KRABD3: variants seen among roughly 807,000 people sequenced by gnomAD.
The protein encoded by KRABD3 is KRAB domain containing 3.
At chr7:149,730,478 C>T in the KRABD3 span, 1 of 1,607,902 alleles carries the variant, frequency 6.2e-7, no homozygotes, top group South Asian at 1.1e-5. Flanking sequence ...GTCCCCATGT[C>T]CTGGTGGGAC....
the KRABD3 span, chr7:149,725,881 C>T: frequency 6.4e-7 from 1 of 1,570,650 alleles, no homozygotes; most frequent in South Asian, 1.2e-5. Context: ...GTGCTGTTCC[C>T]TACAGAAGCG....
chr7:149,725,904 G>A, the KRABD3 span: 2 of 1,591,550 alleles, frequency 1.3e-6, no homozygotes, highest in African/African-American at 1.3e-5. Context: ...CAGAGAGCCT[G>A]TTCTGCCTCT....
chr7:149,734,554 A>G, the KRABD3 span: 3 of 153,812 alleles, frequency 2.0e-5, no homozygotes, highest in Non-Finnish European at 2.9e-5. Flanking sequence ...TTCTGAAATT[A>G]AAGAAGTGAG....
chr7:149,723,645 A>T, the KRABD3 span: 6 of 1,342,666 alleles, frequency 4.5e-6, no homozygotes, highest in Admixed American at 2.3e-5. Flanking sequence ...AGTTGGCCCC[A>T]CGCCCTTCTA....
the KRABD3 span, chr7:149,725,745 A>G: frequency 1.9e-5 from 15 of 806,190 alleles, no homozygotes; most frequent in African/African-American, 1.0e-4. Context: ...GTCACGTGCT[A>G]TGGGAGTTGA....
At chr7:149,721,071 A>G in the KRABD3 span, 6 of 1,517,892 alleles carry the variant, frequency 4.0e-6, no homozygotes, top group African/African-American at 1.4e-5. Flanking sequence ...ACTGCACTGC[A>G]TGTGGGCTTG....
At chr7:149,731,663 T>A in the KRABD3 span, 1 of 1,603,978 alleles carries the variant, frequency 6.2e-7, no homozygotes, top group South Asian at 1.1e-5. Flanking sequence ...CTCTGTGCTC[T>A]TTCTATAGGT....
chr7:149,728,490 T>C, the KRABD3 span: 1 of 1,607,914 alleles, frequency 6.2e-7, no homozygotes, highest in East Asian at 2.2e-5. Context: ...TGAGCTACAG[T>C]CCCCCTCATC....
chr7:149,724,541 G>A, the KRABD3 span: 6 of 717,082 alleles, frequency 8.4e-6, no homozygotes, highest in African/African-American at 1.9e-5. Context: ...GGTGACTGCC[G>A]TGGAGGCACA....
the KRABD3 span, chr7:149,721,732 CAT>C: frequency 1.4e-6 from 1 of 729,084 alleles, no homozygotes; most frequent in East Asian, 2.7e-5. Context: ...AAAGAGGAGG[CAT>C]GATGCTCAGC....
At chr7:149,716,489 A>G in the KRABD3 span, among the ~76,000 whole-genome samples, 209 of 152,322 alleles carry the variant, frequency 1.4e-3, no homozygotes, top group Middle Eastern at 6.8e-3. Flanking sequence ...GTGTTTGCAC[A>G]CTCACACTTG....
chr7:149,722,977 C>T, the KRABD3 span: 12 of 1,529,744 alleles, frequency 7.8e-6, no homozygotes, highest in African/African-American at 1.4e-5. Context: ...GGGCCTCAGG[C>T]TGAGGTCTCT....
chr7:149,731,410 G>T, the KRABD3 span, among the ~76,000 whole-genome samples: 2 of 152,178 alleles, frequency 1.3e-5, no homozygotes, highest in African/African-American at 4.8e-5. Context: ...ACCCGCAGAT[G>T]AGAGTCCTTT....
the KRABD3 span, chr7:149,733,230 C>T: frequency 6.2e-7 from 1 of 1,607,834 alleles, no homozygotes; most frequent in Non-Finnish European, 8.5e-7. Flanking sequence ...AGGCTGCTCC[C>T]CCAGGGCCCG....
chr7:149,728,392 C>A, the KRABD3 span: 1 of 1,063,300 alleles, frequency 9.4e-7, no homozygotes, highest in Non-Finnish European at 1.4e-6. Flanking sequence ...CCAGGACTGA[C>A]ACGTCCAGTG....
At chr7:149,724,544 G>A in the KRABD3 span, 3,051 of 740,876 alleles carry the variant, frequency 4.1e-3, 75 homozygotes, top group African/African-American at 0.043. Context: ...GACTGCCGTG[G>A]AGGCACAGGG....
the KRABD3 span, chr7:149,734,225 G>A: frequency 1.3e-6 from 1 of 792,874 alleles, no homozygotes; most frequent in Admixed American, 3.0e-5. Flanking sequence ...TTGCTCAGGA[G>A]GCTGCTGTGG....
chr7:149,733,516 G>A, the KRABD3 span: 2 of 1,591,884 alleles, frequency 1.3e-6, no homozygotes, highest in Non-Finnish European at 1.7e-6. Flanking sequence ...CTTCCTGGAT[G>A]TGGACCCTCC....
At chr7:149,723,747 G>A in the KRABD3 span, 109 of 1,613,044 alleles carry the variant, frequency 6.8e-5, no homozygotes, top group Admixed American at 3.3e-4. Context: ...AGACCGAGGC[G>A]GTTTCAGGGG....
Sources: allele counts gnomAD v4.1 joint callset (sites outside exome capture counted in the v4.1 genomes callset), GRCh38; gene constraint gnomAD v4.1.1; transcripts MANE v1.5; gene names NCBI Gene and HGNC (gene_info 2026-07-23, HGNC 2026-07-21).